CCDC149: variants seen among roughly 807,000 people sequenced by gnomAD.
CCDC149 encodes coiled-coil domain-containing protein 149.
A neutral mutation model predicts 59.9 loss-of-function variants in CCDC149; 45 were observed. That is an observed-to-expected ratio of 0.75 (90% CI 0.59 to 0.96). CCDC149 has a LOEUF of 0.96. Ranked by LOEUF, CCDC149 falls within the 40% of genes least tolerant of loss-of-function variation. The pLI is 0.00. For missense variants in CCDC149, 584 were observed against 664.7 expected (o/e 0.88, Z 1.33); for synonymous variants, 245 against 260.6 (o/e 0.94, Z 0.58).
chr4:24,967,233 A>C (rs998567281), intron 1 of CCDC149, among the ~76,000 whole-genome samples: 3 of 152,156 alleles, frequency 2.0e-5, no homozygotes, highest in Non-Finnish European at 2.9e-5. Flanking sequence ...GTCCTGCCAC[A>C]ACCACGATGG....
At chr4:24,903,831 G>GCTCTTGTT (rs1721321075) in intron 1 of CCDC149, among the ~76,000 whole-genome samples, 1 of 137,488 alleles carries the variant, frequency 7.3e-6, no homozygotes, top group Non-Finnish European at 1.5e-5. Flanking sequence ...ACAGAGTTTC[G>GCTCTTGTT]CTCTTGTTGC....
chr4:24,866,329 G>T (rs1220313923), intron 3 of CCDC149, among the ~76,000 whole-genome samples: 2 of 152,052 alleles, frequency 1.3e-5, no homozygotes, highest in African/African-American at 4.8e-5. Flanking sequence ...AAAAGACAAA[G>T]ATCTTAAAGA....
chr4:24,914,576 G>GC (rs1165083450), upstream of CCDC149, among the ~76,000 whole-genome samples: 15 of 72,856 alleles, frequency 2.1e-4, no homozygotes, highest in Non-Finnish European at 2.8e-4. Context: ...CCCCCTCCAC[G>GC]CCCCCCCACC....
At chr4:24,952,575 G>A (rs1325487723) in intron 1 of CCDC149, among the ~76,000 whole-genome samples, 14 of 98,702 alleles carry the variant, frequency 1.4e-4, no homozygotes, top group Admixed American at 8.9e-4. Flanking sequence ...CAGCCTGGGC[G>A]AAAGATCAAA....
At chr4:24,813,489 A>AATATATCTATATCTATCTATAT (rs1186488610) in intron 12 of CCDC149, among the ~76,000 whole-genome samples, 1 of 113,734 alleles carries the variant, frequency 8.8e-6, no homozygotes, top group African/African-American at 4.0e-5. Flanking sequence ...CAGCTTGGGG[A>AATATATCTATATCTATCTATAT]ATATATATAT....
chr4:24,931,808 C>T (rs1338007199), intron 1 of CCDC149, among the ~76,000 whole-genome samples: 5 of 41,612 alleles, frequency 1.2e-4, no homozygotes, highest in African/African-American at 4.2e-4. Context: ...ATGTTCCTCC[C>T]TTATATTGTA....
At chr4:24,911,768 T>C (rs1417954536) in intron 1 of CCDC149, among the ~76,000 whole-genome samples, 4 of 152,146 alleles carry the variant, frequency 2.6e-5, no homozygotes, top group Admixed American at 6.5e-5. Context: ...TGAAGCACTA[T>C]TATCAGACTG....
Position 24,931,831 on chromosome 4 carries a change from A to ATATATATG in CCDC149, c.-64-36714_-64-36713insCATATATA, listed in dbSNP as rs1553862501. The stretch of plus-strand genomic sequence containing the variant: ...CCCTTATATTGTATGGAGAGTATGT[A>ATATATATG]TATATATATATATATATATATGCAT... On this transcript the variant is annotated intron_variant, in intron 1 of 12. Coordinates refer to the CCDC149 transcript ENST00000389609. Among the ~76,000 whole-genome samples, 70 of 100,376 alleles carry ATATATATG rather than the reference A, an allele frequency of 7.0e-4. 1 individual carries two copies. The highest frequency in any genetic ancestry group is 5.3e-3 in the Middle Eastern group (1 of 190). 65.9% of individuals were successfully genotyped at this position (100,376 alleles called of 152,430 possible).
intron 3 of CCDC149, among the ~76,000 whole-genome samples, chr4:24,864,071 C>T (rs776963586): frequency 2.6e-4 from 39 of 152,230 alleles, no homozygotes; most frequent in Middle Eastern, 3.4e-3. Context: ...TTCATGGGAC[C>T]GATTATCTAT....
At chr4:24,912,604 C>T (rs1721939923) in intron 1 of CCDC149, among the ~76,000 whole-genome samples, 1 of 152,186 alleles carries the variant, frequency 6.6e-6, no homozygotes, top group African/African-American at 2.4e-5. Context: ...AAGGCTGACA[C>T]CAGATGGCGC....
intron 1 of CCDC149, among the ~76,000 whole-genome samples, chr4:24,918,843 G>A (rs1048346985): frequency 7.9e-5 from 12 of 152,154 alleles, no homozygotes; most frequent in African/African-American, 1.9e-4. Context: ...TGATCTGATC[G>A]CTTTTATTAT....
intron 1 of CCDC149, among the ~76,000 whole-genome samples, chr4:24,933,205 T>C (rs1577492159): frequency 6.6e-6 from 1 of 152,312 alleles, no homozygotes; most frequent in East Asian, 1.9e-4. Context: ...AGGACTTGTA[T>C]GTACTTAAAT....
chr4:24,976,429 C>T (rs1724198814), intron 1 of CCDC149, among the ~76,000 whole-genome samples: 1 of 152,106 alleles, frequency 6.6e-6, no homozygotes, highest in Non-Finnish European at 1.5e-5. Flanking sequence ...AGTGTGTCAT[C>T]AGGCTGGGTG....
chr4:24,821,032 C>T (rs936000032), intron 11 of CCDC149, 23 bp downstream of exon 11: 45 of 1,223,170 alleles, frequency 3.7e-5, no homozygotes, highest in South Asian at 2.9e-4. Context: ...GCCACAAAAA[C>T]GGATATTTTA....
In CCDC149 at chr4:24,853,605, A is replaced by AAG. The variant is rs1186767630; in HGVS notation, c.265-428_265-427dup. Among the ~76,000 whole-genome samples the AAG allele has an allele frequency of 2.2e-3, 328 of 147,994 alleles. 1 individual carries two copies. The highest frequency in any genetic ancestry group is 3.4e-3 in the African/African-American group (133 of 39,384). The stretch of plus-strand genomic sequence containing the variant: ...TCCATTTCAAAAAAAAAAAAAAAAA[A>AAG]AGAGAGAGAGAGAGAATTTATCACT... On this transcript the variant is annotated intron_variant, in intron 3 of 12. Transcript: ENST00000635206.
chr4:24,868,207 A>G (rs1048981687), intron 3 of CCDC149, among the ~76,000 whole-genome samples: 2 of 152,168 alleles, frequency 1.3e-5, no homozygotes, highest in Non-Finnish European at 2.9e-5. Flanking sequence ...ATACTTGCCC[A>G]TGTAAACCAA....
intron 1 of CCDC149, among the ~76,000 whole-genome samples, chr4:24,895,709 G>C (rs1720809743): frequency 6.6e-6 from 1 of 152,118 alleles, no homozygotes; most frequent in African/African-American, 2.4e-5. Flanking sequence ...GTGAGTCTGA[G>C]GTGTTACTAG....
At position 24,826,705 on chromosome 4, in the gene CCDC149, A is replaced by C. The variant is rs149271539; in HGVS notation, c.966-4132T>G. Among the ~76,000 whole-genome samples the C allele has an allele frequency of 2.6e-5, 4 of 152,354 alleles. No individual in the cohort carries two copies. In the East Asian group the frequency reaches 7.7e-4, roughly 29 times the overall value. On this transcript the variant is annotated intron_variant, in intron 9 of 12. Coordinates refer to ENST00000635206, the MANE Select transcript of CCDC149 (RefSeq NM_001330643.2). ...TATTGTCTTATTCTAGAAAGTGGTC[A>C]CACAGGATGGGAGTTGAGAAGAGGC...
chr4:24,949,281 A>G (rs1379038006), intron 1 of CCDC149, among the ~76,000 whole-genome samples: 64 of 152,274 alleles, frequency 4.2e-4, no homozygotes, highest in Non-Finnish European at 1.5e-5. Context: ...TAGGTAAAAC[A>G]GACCAGAGAG....
Sources: allele counts gnomAD v4.1 joint callset (sites outside exome capture counted in the v4.1 genomes callset), GRCh38; gene constraint gnomAD v4.1.1; transcripts MANE v1.5; gene names NCBI Gene and HGNC (gene_info 2026-07-23, HGNC 2026-07-21).